Variants in IFT52 observed in about 807,000 individuals in gnomAD.
IFT52 encodes the protein intraflagellar transport protein 52 homolog.
A neutral mutation model predicts 54.4 loss-of-function variants in IFT52; 44 were observed. That is an observed-to-expected ratio of 0.81 (90% CI 0.63 to 1.04). IFT52 has a LOEUF of 1.04. Ranked by LOEUF, IFT52 falls within the 50% of genes least tolerant of loss-of-function variation. IFT52 has a pLI of 0.00. For missense variants in IFT52, 452 were observed against 523.6 expected, an observed-to-expected ratio of 0.86 and a Z score of 1.33; for synonymous variants, 181 against 185.3, an observed-to-expected ratio of 0.98 and a Z score of 0.19.
intron 12 of IFT52, among the ~76,000 whole-genome samples, chr20:43,639,410 C>A (rs1177186337): frequency 6.6e-6 from 1 of 152,102 alleles, no homozygotes; most frequent in East Asian, 1.9e-4. Flanking sequence ...GTGGCTCACG[C>A]CTGTAATCCC....
chr20:43,647,192 T>G lies in IFT52; in HGVS notation c.*209T>G. 1.7e-6 allele frequency: 1 copy of G among 573,610 alleles called. No individual in the cohort carries two copies. Among genetic ancestry groups the G allele is most frequent in the Non-Finnish European group, 3.1e-6 (1 of 324,476 alleles). The allele number at this position is 573,610 out of a possible 1,614,324, so 35.5% of individuals were successfully genotyped here. ...ATACATTCCATTTTTAAAAATTAAA[T>G]GTATGGTTGCATCTGTCTTTTTATA... On this transcript the variant is annotated 3_prime_UTR_variant, in exon 14 of 14. Transcript: ENST00000373030.
chr20:43,601,213 C>T (rs1169868022), intron 3 of IFT52, among the ~76,000 whole-genome samples: 2 of 151,926 alleles, frequency 1.3e-5, no homozygotes, highest in Non-Finnish European at 2.9e-5. Context: ...TTATGGTGAT[C>T]CAGAATACAT....
chr20:43,613,450 A>G (rs909814762), intron 6 of IFT52, among the ~76,000 whole-genome samples: 1 of 152,246 alleles, frequency 6.6e-6, no homozygotes, highest in African/African-American at 2.4e-5. Context: ...TTAACAAACC[A>G]AAGCTTAGAA....
At chr20:43,615,345 C>T (rs1194743573) in intron 7 of IFT52, among the ~76,000 whole-genome samples, 1 of 152,150 alleles carries the variant, frequency 6.6e-6, no homozygotes, top group Non-Finnish European at 1.5e-5. Context: ...GCCCAGCCCC[C>T]ACTGCGTTTT....
At position 43,622,508 on chromosome 20, in the gene IFT52, C is replaced by T. The variant is rs557102977; in HGVS notation, c.769-1383C>T. On this transcript the variant is annotated intron_variant, in intron 9 of 13. Transcript: ENST00000373030. ...GTCCCAGCTACTCGGGAGGCTGAGG[C>T]GGGAGAATGGCATGAACGCAGGAGG... Among the ~76,000 whole-genome samples the T allele has an allele frequency of 9.6e-4, 145 of 151,632 alleles. 2 individuals are homozygous for T. Among genetic ancestry groups the T allele is most frequent in the African/African-American group, 3.3e-3 (137 of 41,402 alleles).
intron 10 of IFT52, among the ~76,000 whole-genome samples, chr20:43,631,924 CTT>C (rs561193928): frequency 5.6e-4 from 77 of 137,514 alleles, no homozygotes; most frequent in African/African-American, 7.5e-4. Flanking sequence ...TCTGATTTGT[CTT>C]TTTTTTTTTT....
At chr20:43,641,743 C>G (rs1985935899) in intron 12 of IFT52, among the ~76,000 whole-genome samples, 2 of 152,076 alleles carry the variant, frequency 1.3e-5, no homozygotes, top group Admixed American at 1.3e-4. Flanking sequence ...ATCCGCTCAC[C>G]TTGGCCTCCC....
At chr20:43,620,367 G>C (rs1334388821) in intron 8 of IFT52, among the ~76,000 whole-genome samples, 1 of 152,126 alleles carries the variant, frequency 6.6e-6, no homozygotes, top group Non-Finnish European at 1.5e-5. Flanking sequence ...GATAATAAAA[G>C]TTGCATTATG....
chr20:43,604,941 A>G, intron 5 of IFT52, 61 bp from the exon 6 acceptor site: 7 of 1,541,796 alleles, frequency 4.5e-6, no homozygotes, highest in Admixed American at 1.7e-5. Flanking sequence ...TGTACTAATG[A>G]ATGCAGTGTG....
chr20:43,603,842 C>G lies in IFT52; in HGVS notation c.290C>G (p.Thr97Ser). ...LGEGGESRFDTNINFLLEEYG... is the reference protein window; with the variant it reads ...LGEGGESRFDSNINFLLEEYG... ...GAAGGTGGAGAATCCAGATTTGACA[C>G]CAATATTAACTTTTTACTAGAAGAA... Residue 97 changes from threonine (T) to serine (S), a missense_variant, in exon 4 of 14, where the codon ACC becomes AGC. Thr to Ser is a moderately conservative substitution (Grantham distance 58). Coordinates refer to ENST00000373030, the MANE Select transcript of IFT52 (RefSeq NM_016004.5). The G allele has an allele frequency of 6.5e-7, 1 of 1,549,126 alleles. No individual in the cohort carries two copies. Among genetic ancestry groups the G allele is most frequent in the Non-Finnish European group, 8.9e-7 (1 of 1,124,520 alleles).
chr20:43,624,264 G>A (rs1054662211), intron 10 of IFT52: 12 of 559,342 alleles, frequency 2.1e-5, no homozygotes, highest in African/African-American at 1.9e-4. Flanking sequence ...CCAGATTCTG[G>A]ACCAGGCATT....
Position 43,647,025 on chromosome 20 carries a change from C to T in IFT52, c.*42C>T, listed in dbSNP as rs1986252382. 1 of 1,532,324 alleles carries T rather than the reference C, an allele frequency of 6.5e-7. No individual in the cohort carries two copies. The highest frequency in any genetic ancestry group is 9.0e-7 in the Non-Finnish European group (1 of 1,106,750). The allele number at this position is 1,532,324 out of a possible 1,614,324, so 94.9% of individuals were successfully genotyped here. On this transcript the variant is annotated 3_prime_UTR_variant, in exon 14 of 14. Coordinates refer to ENST00000373030, the MANE Select transcript of IFT52 (RefSeq NM_016004.5). ...AGCTTTTTCTGCCTCCTGATTCTCT[C>T]TTTGTAAACTATTTTCAAATTGTTT...
At chr20:43,600,668 A>G (rs1188140754) in intron 3 of IFT52, among the ~76,000 whole-genome samples, 2 of 152,280 alleles carry the variant, frequency 1.3e-5, no homozygotes, top group East Asian at 3.9e-4. Flanking sequence ...AATACTTTGT[A>G]CAGTATTTAC....
intron 6 of IFT52, among the ~76,000 whole-genome samples, chr20:43,607,864 A>C (rs1263076015): frequency 6.6e-6 from 1 of 152,214 alleles, no homozygotes; most frequent in Non-Finnish European, 1.5e-5. Flanking sequence ...ACCGTTGAGC[A>C]CTGAGTGAAC....
rs1986002687 is a variant in IFT52, at chr20:43,642,683, G to A, written c.1266+59G>A. The A allele has an allele frequency of 2.0e-6, 3 of 1,525,286 alleles. No homozygotes were observed. The Admixed American group carries it at 5.9e-5, about 30-fold the overall frequency. The allele number at this position is 1,525,286 out of a possible 1,614,324, so 94.5% of individuals were successfully genotyped here. ...CCCCTCCAGTACTGGTATCTTCCAT[G>A]GACTGTGCTTGCCATGTTTTATGAC... On this transcript the variant is annotated intron_variant, in intron 13 of 13. Coordinates refer to ENST00000373030, the MANE Select transcript of IFT52 (RefSeq NM_016004.5).
chr20:43,626,357 A>G (rs1012962343), intron 10 of IFT52, among the ~76,000 whole-genome samples: 32 of 150,202 alleles, frequency 2.1e-4, no homozygotes, highest in African/African-American at 7.1e-4. Context: ...TCTGCCTCCC[A>G]GGCTCAAGCA....
At position 43,642,936 on chromosome 20, in the gene IFT52, G is replaced by T. The variant is rs150728616; in HGVS notation, c.1266+312G>T. Among the ~76,000 whole-genome samples, 9 of 152,248 alleles carry T rather than the reference G, an allele frequency of 5.9e-5. No individual in the cohort carries two copies. The East Asian group carries it at 1.5e-3, about 26-fold the overall frequency. ...AATCCCAACACTTTGGGAGGCTGAG[G>T]TAGGCAGATCACCCGAGGTCAGGAG... is the stretch of plus-strand genomic sequence containing the variant. On this transcript the variant is annotated intron_variant, in intron 13 of 13. Transcript: ENST00000373030.
chr20:43,622,729 A>C (rs1984410123), intron 9 of IFT52, among the ~76,000 whole-genome samples: 1 of 144,454 alleles, frequency 6.9e-6, no homozygotes, highest in Non-Finnish European at 1.5e-5. Flanking sequence ...GTAAATATAA[A>C]TATATACATA....
intron 3 of IFT52, among the ~76,000 whole-genome samples, chr20:43,598,603 G>A (rs893114832): frequency 2.6e-5 from 4 of 152,142 alleles, no homozygotes; most frequent in Admixed American, 2.6e-4. Flanking sequence ...GTGGAGGTGG[G>A]AGAATCGCTT....
Sources: allele counts gnomAD v4.1 joint callset (sites outside exome capture counted in the v4.1 genomes callset), GRCh38; gene constraint gnomAD v4.1.1; transcripts MANE v1.5; gene names NCBI Gene and HGNC (gene_info 2026-07-23, HGNC 2026-07-21).